Variants in MPPED2 observed in about 807,000 individuals in gnomAD.
The protein encoded by MPPED2 is metallophosphoesterase domain containing 2.
A neutral mutation model predicts 33.0 loss-of-function variants in MPPED2; 5 were observed. The observed-to-expected ratio is 0.15, with a 90% CI of 0.08 to 0.32. The LOEUF is 0.32. Ranked by LOEUF, MPPED2 falls within the 10% of genes least tolerant of loss-of-function variation. MPPED2 has a pLI of 1.00. For synonymous variants in MPPED2, 136 were observed against 141.9 expected, an observed-to-expected ratio of 0.96 and a Z score of 0.29; for missense variants, 275 against 372.1, an observed-to-expected ratio of 0.74 and a Z score of 2.15.
chr11:30,456,198 C>A (rs1950271545), intron 4 of MPPED2, among the ~76,000 whole-genome samples: 1 of 152,162 alleles, frequency 6.6e-6, no homozygotes, highest in South Asian at 2.1e-4. Flanking sequence ...TGGGAAAATT[C>A]AACTGGAGAA....
At chr11:30,527,801 C>G (rs1247381905) in intron 3 of MPPED2, among the ~76,000 whole-genome samples, 8 of 152,150 alleles carry the variant, frequency 5.3e-5, no homozygotes, top group Admixed American at 3.9e-4. Context: ...CTCCCCTCCC[C>G]CTGTCTCTCC....
intron 4 of MPPED2, among the ~76,000 whole-genome samples, chr11:30,431,520 C>A (rs1427773967): frequency 6.6e-6 from 1 of 152,108 alleles, no homozygotes; most frequent in Non-Finnish European, 1.5e-5. Flanking sequence ...CACATAATAA[C>A]CCCTAAATAA....
At chr11:30,570,422 T>A (rs751762933) in intron 2 of MPPED2, among the ~76,000 whole-genome samples, 4 of 151,936 alleles carry the variant, frequency 2.6e-5, no homozygotes, top group Non-Finnish European at 4.4e-5. Flanking sequence ...CATAGCACTA[T>A]CCAAGCAGAA....
intron 2 of MPPED2, among the ~76,000 whole-genome samples, chr11:30,553,115 A>ATTCC (rs1955795497): frequency 6.6e-6 from 1 of 152,166 alleles, no homozygotes; most frequent in African/African-American, 2.4e-5. Context: ...GCAGATGTGA[A>ATTCC]TTCCTTCTTT....
chr11:30,541,283 A>G (rs1038782883), intron 2 of MPPED2, among the ~76,000 whole-genome samples: 1 of 152,200 alleles, frequency 6.6e-6, no homozygotes, highest in Non-Finnish European at 1.5e-5. Context: ...CTCACAAAAA[A>G]TATGATAATA....
chr11:30,415,866 T>C (rs1347334173), intron 5 of MPPED2, among the ~76,000 whole-genome samples: 2 of 152,192 alleles, frequency 1.3e-5, no homozygotes, highest in Non-Finnish European at 1.5e-5. Context: ...ACTCGAGTCA[T>C]GTAAATGTTT....
In MPPED2 at chr11:30,388,768, G is replaced by A. The variant is rs1947733389; in HGVS notation, c.*121C>T. On this transcript the variant is annotated 3_prime_UTR_variant, in exon 7 of 7. Transcript: ENST00000448418. ...ATGCCTTCTTTGTCTTCACCAAGGA[G>A]AGGCATCTTCCTTCCTTCCTGTGTG... 3 of 1,278,968 alleles carry A rather than the reference G, an allele frequency of 2.3e-6. No homozygotes were observed. The South Asian group carries it at 6.5e-5, about 28-fold the overall frequency. 79.2% of individuals were successfully genotyped at this position (1,278,968 alleles called of 1,614,324 possible). A position where few individuals can be genotyped will look rare whatever the true frequency, so the allele number is the denominator to read the frequency against.
At chr11:30,537,696 G>A (rs575720468) in intron 2 of MPPED2, among the ~76,000 whole-genome samples, 2 of 152,242 alleles carry the variant, frequency 1.3e-5, no homozygotes, top group South Asian at 4.1e-4. Flanking sequence ...GGAAGGAATT[G>A]TGAACTGGTT....
chr11:30,444,347 A>G (rs1458577105), intron 4 of MPPED2, among the ~76,000 whole-genome samples: 2 of 152,234 alleles, frequency 1.3e-5, no homozygotes, highest in African/African-American at 4.8e-5. Flanking sequence ...AAAATGCTTC[A>G]AACACATCAA....
intron 4 of MPPED2, among the ~76,000 whole-genome samples, chr11:30,423,389 G>A (rs1444234236): frequency 6.6e-6 from 1 of 152,174 alleles, no homozygotes; most frequent in East Asian, 1.9e-4. Context: ...AGTCTTCTGG[G>A]CACCTTCTGC....
chr11:30,456,599 A>G (rs1180309579), intron 4 of MPPED2, among the ~76,000 whole-genome samples: 1 of 152,016 alleles, frequency 6.6e-6, no homozygotes, highest in Non-Finnish European at 1.5e-5. Context: ...GTTGTAGAGG[A>G]ATCCATGTAC....
intron 4 of MPPED2, among the ~76,000 whole-genome samples, chr11:30,475,607 T>C (rs1048723395): frequency 1.1e-4 from 16 of 152,222 alleles, no homozygotes; most frequent in African/African-American, 3.9e-4. Context: ...AATTCATTCA[T>C]GTTATCCCAT....
At chr11:30,469,660 T>C (rs977023691) in intron 4 of MPPED2, among the ~76,000 whole-genome samples, 1 of 152,188 alleles carries the variant, frequency 6.6e-6, no homozygotes, top group Non-Finnish European at 1.5e-5. Context: ...GAGAGGTGTG[T>C]AAAGCCCTTC....
chr11:30,448,676 C>T (rs1040022908), intron 4 of MPPED2, among the ~76,000 whole-genome samples: 3 of 151,794 alleles, frequency 2.0e-5, no homozygotes, highest in African/African-American at 7.3e-5. Context: ...AGAAGCACTC[C>T]CCACTATTTT....
intron 2 of MPPED2, among the ~76,000 whole-genome samples, chr11:30,536,914 C>A (rs1020679267): frequency 6.6e-6 from 1 of 152,126 alleles, no homozygotes; most frequent in African/African-American, 2.4e-5. Flanking sequence ...GGCAAAGATT[C>A]TATTCAGTAC....
intron 4 of MPPED2, among the ~76,000 whole-genome samples, chr11:30,440,787 G>A (rs1949536906): frequency 6.6e-6 from 1 of 152,178 alleles, no homozygotes. Context: ...ACTTCTGCAT[G>A]AGGCATGACT....
chr11:30,405,049 G>T (rs539869288), intron 6 of MPPED2, among the ~76,000 whole-genome samples: 8 of 152,226 alleles, frequency 5.3e-5, no homozygotes, highest in African/African-American at 1.7e-4. Context: ...GCACCAAAGG[G>T]GGGTGTTCTG....
At position 30,403,106 on chromosome 11, in the gene MPPED2, G is replaced by A. The variant is rs926155306; in HGVS notation, c.766+11122C>T. On this transcript the variant is annotated intron_variant, in intron 6 of 6. Transcript: ENST00000448418. ...TAAAAATACAAAAAAAATTAGCCGG[G>A]CATGGTGGCGGGCAGCTGTAGTCCC... is the stretch of plus-strand genomic sequence containing the variant. Among the ~76,000 whole-genome samples the A allele has an allele frequency of 3.3e-5, 5 of 152,112 alleles. No individual in the cohort carries two copies. The East Asian group carries it at 5.8e-4, about 18-fold the overall frequency.
chr11:30,435,857 A>G (rs1390358829), intron 4 of MPPED2, among the ~76,000 whole-genome samples: 6 of 151,980 alleles, frequency 3.9e-5, no homozygotes, highest in Non-Finnish European at 8.8e-5. Context: ...TATAAACCTC[A>G]TGTTTTTTTC....
Sources: gnomAD v4.1 joint callset for allele counts (sites outside exome capture counted in the v4.1 genomes callset) on GRCh38, gnomAD v4.1.1 for gene constraint, MANE v1.5 for transcripts, NCBI Gene and HGNC (gene_info 2026-07-23, HGNC 2026-07-21) for gene names.